Variants in LRRIQ1 observed in about 807,000 individuals in gnomAD.
The protein encoded by LRRIQ1 is leucine rich repeats and IQ motif containing 1.
In LRRIQ1, 210 loss-of-function variants were observed where a neutral mutation model predicts 211.9. The ratio of observed to expected loss-of-function variants is 0.99; its 90% confidence interval spans 0.89 to 1.11. The LOEUF is 1.11. Among genes scored for constraint, LRRIQ1 ranks in the 50% most tolerant of loss-of-function variants. The probability of loss-of-function intolerance (pLI) is 0.00; values close to 1 mark genes in which losing one functional copy is unlikely to be tolerated. For synonymous variants in LRRIQ1, 699 were observed against 650.1 expected, an observed-to-expected ratio of 1.08 and a Z score of -1.14; for missense variants, 2,136 against 1,939.5, an observed-to-expected ratio of 1.10 and a Z score of -1.90.
intron 10 of LRRIQ1, among the ~76,000 whole-genome samples, chr12:85,071,006 A>C (rs1476607515): frequency 6.6e-6 from 1 of 151,968 alleles, no homozygotes; most frequent in Non-Finnish European, 1.5e-5. Flanking sequence ...ATAAATTGAT[A>C]ATTTAGTTTG....
chr12:85,100,139 A>T (rs1173506081), intron 13 of LRRIQ1, among the ~76,000 whole-genome samples: 1 of 151,820 alleles, frequency 6.6e-6, no homozygotes, highest in African/African-American at 2.4e-5. Context: ...AGGAATTGAG[A>T]TACCTAACGT....
intron 24 of LRRIQ1, among the ~76,000 whole-genome samples, chr12:85,163,802 C>T (rs1469789146): frequency 1.3e-5 from 2 of 152,072 alleles, no homozygotes; most frequent in South Asian, 2.1e-4. Context: ...ACCATTTTTA[C>T]AGTCTATGTT....
Position 85,225,159 on chromosome 12 carries a change from A to G in LRRIQ1, c.4823-4358A>G, listed in dbSNP as rs12316394. ...TTTTTTCTTTCATTATTTCCTAAAA[A>G]AATTAGTATAACAGTTTATATTATA... On this transcript the variant is annotated intron_variant, in intron 24 of 26. Transcript: ENST00000393217. Among the ~76,000 whole-genome samples the G allele has an allele frequency of 3.2e-3, 485 of 152,250 alleles. 5 individuals carry two copies. Among genetic ancestry groups the G allele is most frequent in the African/African-American group, 0.011 (449 of 41,562 alleles).
chr12:85,116,607 G>A (rs1005754636), intron 15 of LRRIQ1, among the ~76,000 whole-genome samples: 1 of 152,064 alleles, frequency 6.6e-6, no homozygotes, highest in Non-Finnish European at 1.5e-5. Flanking sequence ...TGTTACACAG[G>A]TAAACACATG....
At chr12:85,180,902 C>T (rs527328373) in intron 24 of LRRIQ1, among the ~76,000 whole-genome samples, 2 of 151,228 alleles carry the variant, frequency 1.3e-5, no homozygotes, top group South Asian at 2.1e-4. Context: ...CATAGTCAAT[C>T]AATTTTCAAT....
intron 15 of LRRIQ1, among the ~76,000 whole-genome samples, chr12:85,113,897 C>G (rs1887363915): frequency 2.6e-5 from 3 of 117,486 alleles, no homozygotes; most frequent in Admixed American, 2.5e-4. Flanking sequence ...TTCAATTATT[C>G]AAATGAGTTT....
At chr12:85,160,930 G>C (rs976453067) in intron 24 of LRRIQ1, among the ~76,000 whole-genome samples, 3 of 151,834 alleles carry the variant, frequency 2.0e-5, no homozygotes. Flanking sequence ...TTGTATCAAT[G>C]TTTACATAAA....
chr12:85,112,018 A>C (rs1361376052), intron 15 of LRRIQ1, among the ~76,000 whole-genome samples: 1 of 152,006 alleles, frequency 6.6e-6, no homozygotes. Flanking sequence ...ATTGAGGTGC[A>C]GAGATTAATT....
intron 15 of LRRIQ1, among the ~76,000 whole-genome samples, chr12:85,108,206 C>T (rs2221583): frequency 0.036 from 5,479 of 152,174 alleles, 328 homozygotes; most frequent in African/African-American, 0.13. Context: ...GGCACTAATG[C>T]GATACTTTCT....
chr12:85,200,042 C>G (rs1305205803), intron 24 of LRRIQ1, among the ~76,000 whole-genome samples: 1 of 152,140 alleles, frequency 6.6e-6, no homozygotes, highest in Non-Finnish European at 1.5e-5. Context: ...ACCATTGAAT[C>G]TGTAAATTGC....
intron 24 of LRRIQ1, among the ~76,000 whole-genome samples, chr12:85,192,700 T>A (rs1395598361): frequency 1.2e-5 from 1 of 85,462 alleles, no homozygotes; most frequent in Non-Finnish European, 1.9e-5. Context: ...AAATATATAG[T>A]TATATACTAT....
intron 1 of LRRIQ1, among the ~76,000 whole-genome samples, chr12:85,256,437 G>A (rs1896095258): frequency 6.6e-6 from 1 of 151,498 alleles, no homozygotes; most frequent in Admixed American, 6.6e-5. Flanking sequence ...AATGGATATG[G>A]TTAAATATGA....
In LRRIQ1 at chr12:85,121,685, T is replaced by C. The variant is rs757916671; in HGVS notation, c.3378-12T>C. 15 of 1,544,954 alleles carry C rather than the reference T, an allele frequency of 9.7e-6. No individual in the cohort carries two copies. The highest frequency in any genetic ancestry group is 1.2e-5 in the Non-Finnish European group (14 of 1,148,154). On this transcript the variant is annotated splice_polypyrimidine_tract_variant and intron_variant, in intron 15 of 26. Transcript: ENST00000393217. ...AGATCAGGATTATTAACTTTTTTGT[T>C]GTTTTCAATAGGGATTCTCTACTTA...
chr12:85,113,946 TGA>T (rs1555209997), intron 15 of LRRIQ1, among the ~76,000 whole-genome samples: 1 of 147,284 alleles, frequency 6.8e-6, no homozygotes, highest in Non-Finnish European at 1.5e-5. Context: ...TGTGTGTGTG[TGA>T]AAGGCCACCT....
chr12:85,223,338 G>A (rs1894490173), intron 24 of LRRIQ1, among the ~76,000 whole-genome samples: 1 of 152,096 alleles, frequency 6.6e-6, no homozygotes, highest in African/African-American at 2.4e-5. Flanking sequence ...GGATCCTGAA[G>A]GGAGGGAATA....
intron 19 of LRRIQ1, among the ~76,000 whole-genome samples, chr12:85,146,765 T>C (rs1889918515): frequency 6.6e-6 from 1 of 151,774 alleles, no homozygotes; most frequent in African/African-American, 2.4e-5. Flanking sequence ...AAGTGCACTT[T>C]TATAAACCAT....
Position 85,073,033 on chromosome 12 carries a change from TACC to T in LRRIQ1, c.2823_2825del (p.Pro942del). 1 of 1,612,054 alleles carries T rather than the reference TACC, an allele frequency of 6.2e-7. No individual in the cohort carries two copies. Among genetic ancestry groups the T allele is most frequent in the Non-Finnish European group, 8.5e-7 (1 of 1,178,800 alleles). On this transcript the variant is annotated inframe_deletion, in exon 11 of 27. Coordinates refer to ENST00000393217, the MANE Select transcript of LRRIQ1 (RefSeq NM_001079910.2). ...CCAACTGGATTATGTTGGTCCTGGATACCTATTACCTCACTTACAAAAAATTCA... is the reference window on the plus strand; with the variant it reads ...CCAACTGGATTATGTTGGTCCTGGATTATTACCTCACTTACAAAAAATTCA...
chr12:85,154,957 T>G (rs1024668704), intron 23 of LRRIQ1, among the ~76,000 whole-genome samples: 19 of 151,336 alleles, frequency 1.3e-4, no homozygotes, highest in African/African-American at 4.1e-4. Flanking sequence ...AAAACTATTT[T>G]TATCTTTTTC....
At chr12:85,057,947 C>T (rs184022780) in intron 8 of LRRIQ1, among the ~76,000 whole-genome samples, 28 of 152,084 alleles carry the variant, frequency 1.8e-4, no homozygotes, top group African/African-American at 6.7e-4. Flanking sequence ...TCTTGCTAGA[C>T]AGATGCCTAG....
Sources: gnomAD v4.1 joint callset for allele counts (sites outside exome capture counted in the v4.1 genomes callset) on GRCh38, gnomAD v4.1.1 for gene constraint, MANE v1.5 for transcripts, NCBI Gene and HGNC (gene_info 2026-07-23, HGNC 2026-07-21) for gene names.